Variants in PTPRN2 observed in about 807,000 individuals in gnomAD.
PTPRN2 encodes protein tyrosine phosphatase receptor type N2.
Under a neutral mutation model 118.8 loss-of-function variants are expected in PTPRN2, and 74 were observed. That is an observed-to-expected ratio of 0.62 (90% CI 0.52 to 0.76). The LOEUF is 0.76. PTPRN2 is among the 30% of genes least tolerant of loss of function. PTPRN2 has a pLI of 0.00. For synonymous variants in PTPRN2, 641 were observed against 608.0 expected, an observed-to-expected ratio of 1.05 and a Z score of -0.80; for missense variants, 1,481 against 1,394.4, an observed-to-expected ratio of 1.06 and a Z score of -0.99.
intron 10 of PTPRN2, among the ~76,000 whole-genome samples, chr7:158,100,245 GT>G (rs1237813136): frequency 0.041 from 808 of 19,802 alleles, 4 homozygotes; most frequent in African/African-American, 0.16. Flanking sequence ...ATTCCATGGG[GT>G]GTGTGTGTGT....
chr7:157,750,547 C>A (rs1439852858), intron 12 of PTPRN2, among the ~76,000 whole-genome samples: 2 of 152,214 alleles, frequency 1.3e-5, no homozygotes, highest in Non-Finnish European at 2.9e-5. Flanking sequence ...GACCCCCTGC[C>A]AATATCTGAG....
rs537445010 is a variant in PTPRN2 at position 157,778,349 on chromosome 7, C to G, written c.1789-95412G>C. Among the ~76,000 whole-genome samples, 24 of 151,940 alleles carry G rather than the reference C, an allele frequency of 1.6e-4. No individual in the cohort carries two copies. The East Asian group carries it at 4.6e-3, about 29-fold the overall frequency. ...TCAAATGCCCACGTACATGTGATTA[C>G]AGTTGTTGAATGCCCACGTAAACAT... On this transcript the variant is annotated intron_variant, in intron 12 of 22. Coordinates refer to ENST00000389418, the MANE Select transcript of PTPRN2 (RefSeq NM_002847.5).
At chr7:157,621,216 C>CA (rs375104097) in intron 15 of PTPRN2, 146 bp downstream of exon 15, 19 of 35,702 alleles carry the variant, frequency 5.3e-4, no homozygotes, top group South Asian at 3.3e-3. Context: ...CTCCCGTCCC[C>CA]GGGGCTGGTA....
chr7:157,788,508 C>G (rs994895600), intron 12 of PTPRN2, among the ~76,000 whole-genome samples: 24 of 152,306 alleles, frequency 1.6e-4, no homozygotes, highest in African/African-American at 5.3e-4. Context: ...GAGGAGCTCT[C>G]CACAGGCCTC....
chr7:157,570,099 C>T lies in PTPRN2; in HGVS notation c.2838-1133G>A, dbSNP rs148990172. 3.0e-4 allele frequency among the ~76,000 whole-genome samples: 45 copies of T among 152,358 alleles called. No individual in the cohort carries two copies. In the East Asian group the frequency reaches 7.7e-3, roughly 26 times the overall value. ...GTTGGGATGGTAAATGTTTAAAAAA[C>T]GGCACGTTCACATCCTCACACCCTC... On this transcript the variant is annotated intron_variant, in intron 20 of 22. Coordinates refer to ENST00000389418, the MANE Select transcript of PTPRN2 (RefSeq NM_002847.5).
intron 1 of PTPRN2, among the ~76,000 whole-genome samples, chr7:158,508,735 C>CA: frequency 7.0e-5 from 1 of 14,266 alleles, no homozygotes; most frequent in African/African-American, 3.5e-4. Flanking sequence ...GTGGGACGCT[C>CA]GGAGCAGGTG....
intron 3 of PTPRN2, among the ~76,000 whole-genome samples, chr7:158,301,078 T>G (rs1800853833): frequency 6.6e-6 from 1 of 152,220 alleles, no homozygotes; most frequent in Non-Finnish European, 1.5e-5. Context: ...AATCTTAATG[T>G]TTTTAGAATG....
chr7:158,278,988 C>T (rs1041151226), intron 3 of PTPRN2, among the ~76,000 whole-genome samples: 1 of 152,130 alleles, frequency 6.6e-6, no homozygotes, highest in Non-Finnish European at 1.5e-5. Context: ...AAGCTGCAGA[C>T]CTTCGAGGTG....
chr7:157,621,177 G>A (rs577780819), intron 15 of PTPRN2, among the ~76,000 whole-genome samples, 185 bp downstream of exon 15: 8 of 150,688 alleles, frequency 5.3e-5, no homozygotes, highest in African/African-American at 1.5e-4. Context: ...AGGTCAGCAC[G>A]GCTAGTTTCC....
chr7:157,664,953 T>C (rs948043258), intron 13 of PTPRN2, among the ~76,000 whole-genome samples: 7 of 152,068 alleles, frequency 4.6e-5, no homozygotes, highest in Non-Finnish European at 7.4e-5. Context: ...GGAACAAAAC[T>C]CTCCTGGTCA....
At chr7:157,593,034 G>A (rs1323746223) in intron 17 of PTPRN2, among the ~76,000 whole-genome samples, 1 of 139,264 alleles carries the variant, frequency 7.2e-6, no homozygotes, top group African/African-American at 2.7e-5. Context: ...TGTGGCACCT[G>A]CTGAATGGAG....
intron 14 of PTPRN2, among the ~76,000 whole-genome samples, chr7:157,642,475 C>T (rs1365360029): frequency 6.6e-6 from 1 of 152,230 alleles, no homozygotes; most frequent in Non-Finnish European, 1.5e-5. Flanking sequence ...GCAGGAGTCA[C>T]TGGACAGACC....
rs1207004323 is a variant in PTPRN2 at position 157,621,775 on chromosome 7, GACA to G, written c.2197-269_2197-267del. Among the ~76,000 whole-genome samples, 82 of 151,816 alleles carry G rather than the reference GACA, an allele frequency of 5.4e-4. 2 individuals are homozygous for G. Among genetic ancestry groups the G allele is most frequent in the Admixed American group, 5.3e-3 (80 of 15,228 alleles). On this transcript the variant is annotated intron_variant, in intron 14 of 22. Coordinates refer to ENST00000389418, the MANE Select transcript of PTPRN2 (RefSeq NM_002847.5). ...TTGGGAATCAGTTTACCGCTGAGAT[GACA>G]ACAATTATCACATGCTTTAACGACA... is the stretch of plus-strand genomic sequence containing the variant.
chr7:157,997,276 T>C (rs1804823922), intron 11 of PTPRN2, among the ~76,000 whole-genome samples: 1 of 151,700 alleles, frequency 6.6e-6, no homozygotes, highest in South Asian at 2.1e-4. Flanking sequence ...TGGCCTGGGC[T>C]CCCACTGAGG....
intron 2 of PTPRN2, among the ~76,000 whole-genome samples, chr7:158,333,784 A>G (rs1363678147): frequency 2.1e-5 from 3 of 145,360 alleles, no homozygotes; most frequent in Non-Finnish European, 4.5e-5. Flanking sequence ...ACTCACACAC[A>G]CACTCTCACC....
chr7:157,820,634 A>C (rs1679144583), intron 12 of PTPRN2, among the ~76,000 whole-genome samples: 1 of 151,882 alleles, frequency 6.6e-6, no homozygotes, highest in African/African-American at 2.4e-5. Context: ...AGACCCCTAC[A>C]CACGTGCACA....
chr7:157,555,943 T>C (rs1798855029), intron 21 of PTPRN2, among the ~76,000 whole-genome samples: 3 of 152,226 alleles, frequency 2.0e-5, no homozygotes. Context: ...TTCTGCTTTG[T>C]CTGGAGCTCA....
At chr7:157,733,498 G>A (rs1166968470) in intron 12 of PTPRN2, among the ~76,000 whole-genome samples, 2 of 29,844 alleles carry the variant, frequency 6.7e-5, no homozygotes, top group African/African-American at 1.5e-4. Context: ...ACTCTTTTCC[G>A]TCCCATGCGC....
intron 1 of PTPRN2, among the ~76,000 whole-genome samples, chr7:158,502,774 C>T (rs967657933): frequency 3.9e-5 from 6 of 152,054 alleles, no homozygotes; most frequent in Non-Finnish European, 7.3e-5. Context: ...CCACTGTGTC[C>T]ATCAACTACT....
Sources: gnomAD v4.1 joint callset for allele counts (sites outside exome capture counted in the v4.1 genomes callset) on GRCh38, gnomAD v4.1.1 for gene constraint, MANE v1.5 for transcripts, NCBI Gene and HGNC (gene_info 2026-07-23, HGNC 2026-07-21) for gene names.